PSMB2: variants seen among roughly 807,000 people sequenced by gnomAD.
PSMB2 encodes proteasome subunit beta type-2.
Under a neutral mutation model 25.7 loss-of-function variants are expected in PSMB2, and 13 were observed. That is an observed-to-expected ratio of 0.51 (90% CI 0.33 to 0.80). The LOEUF is 0.80. Among genes scored for constraint, PSMB2 ranks in the 30% least tolerant of loss-of-function variants. The pLI, the probability that PSMB2 is intolerant of heterozygous loss-of-function variation, is 0.02. For missense variants in PSMB2, 202 were observed against 259.0 expected (o/e 0.78, Z 1.51); for synonymous variants, 87 against 96.2 (o/e 0.90, Z 0.56).
intron 4 of PSMB2, among the ~76,000 whole-genome samples, chr1:35,608,361 C>A (rs144669766): frequency 0.012 from 1,839 of 147,924 alleles, 36 homozygotes; most frequent in East Asian, 0.061. Flanking sequence ...GGAGACTCTG[C>A]CTCAAAAAAA....
intron 2 of PSMB2, chr1:35,631,591 T>A: frequency 9.8e-7 from 1 of 1,016,366 alleles, no homozygotes. Flanking sequence ...ATGAAACTTC[T>A]AGCAGCCTTG....
chr1:35,639,812 C>G (rs1651341596), intron 1 of PSMB2, among the ~76,000 whole-genome samples: 1 of 152,174 alleles, frequency 6.6e-6, no homozygotes, highest in Admixed American at 6.5e-5. Context: ...CAAATTCACT[C>G]CTTTGGAAGG....
chr1:35,620,293 C>A (rs1159136937), intron 3 of PSMB2, among the ~76,000 whole-genome samples: 2 of 152,164 alleles, frequency 1.3e-5, no homozygotes, highest in East Asian at 3.9e-4. Context: ...TCTATTAGAA[C>A]CATGTTCCCC....
chr1:35,604,088 G>C (rs1381969591), intron 5 of PSMB2, among the ~76,000 whole-genome samples: 1 of 150,856 alleles, frequency 6.6e-6, no homozygotes, highest in Non-Finnish European at 1.5e-5. Flanking sequence ...CAAAAGGTTT[G>C]TGTAAGAAGC....
At chr1:35,632,754 G>A (rs1396976553) in intron 2 of PSMB2, among the ~76,000 whole-genome samples, 1 of 151,816 alleles carries the variant, frequency 6.6e-6, no homozygotes, top group Non-Finnish European at 1.5e-5. Flanking sequence ...ATTAGCCAGG[G>A]GTGGTGGTGC....
At chr1:35,608,907 A>G (rs1376658554) in intron 4 of PSMB2, among the ~76,000 whole-genome samples, 2 of 152,256 alleles carry the variant, frequency 1.3e-5, no homozygotes, top group African/African-American at 4.8e-5. Context: ...AAAGCAAAAT[A>G]AGTGAAAAAA....
chr1:35,626,081 G>C (rs148611715), intron 3 of PSMB2, among the ~76,000 whole-genome samples: 23 of 152,200 alleles, frequency 1.5e-4, no homozygotes, highest in African/African-American at 5.3e-4. Context: ...CAACTGATCT[G>C]TCCATCTTGG....
chr1:35,608,577 A>G (rs1050131402), intron 4 of PSMB2, among the ~76,000 whole-genome samples: 4 of 152,216 alleles, frequency 2.6e-5, no homozygotes, highest in African/African-American at 7.2e-5. Context: ...AAACATCATG[A>G]TGTACTCTAT....
At chr1:35,635,207 C>T (rs927926706) in intron 2 of PSMB2, among the ~76,000 whole-genome samples, 3 of 150,818 alleles carry the variant, frequency 2.0e-5, no homozygotes, top group East Asian at 2.0e-4. Flanking sequence ...TGCGGTGAGC[C>T]GAGATTGTGC....
chr1:35,634,072 C>T (rs1432665766), intron 2 of PSMB2, among the ~76,000 whole-genome samples: 2 of 152,114 alleles, frequency 1.3e-5, no homozygotes, highest in Non-Finnish European at 2.9e-5. Flanking sequence ...GGAGGTTTTC[C>T]CAGTGGATAA....
chr1:35,605,146 T>C (rs1203955824), intron 5 of PSMB2, 87 bp downstream of exon 5: 2 of 1,384,710 alleles, frequency 1.4e-6, no homozygotes, highest in Admixed American at 2.1e-5. Flanking sequence ...CTGGCAAAAA[T>C]CTGAAAAAAT....
At chr1:35,623,881 A>G (rs906623219) in intron 3 of PSMB2, among the ~76,000 whole-genome samples, 5 of 152,234 alleles carry the variant, frequency 3.3e-5, no homozygotes, top group African/African-American at 1.2e-4. Flanking sequence ...AGACTTGCAA[A>G]GTCAGGGTTT....
At chr1:35,608,268 G>A (rs1311946897) in intron 4 of PSMB2, among the ~76,000 whole-genome samples, 1 of 152,076 alleles carries the variant, frequency 6.6e-6, no homozygotes, top group African/African-American at 2.4e-5. Flanking sequence ...GGGAGGCTGA[G>A]GCACGAGAAT....
intron 2 of PSMB2, chr1:35,631,568 G>T: frequency 8.2e-7 from 1 of 1,212,820 alleles, no homozygotes; most frequent in African/African-American, 1.5e-5. Context: ...AACAGAACCA[G>T]TTCTATAGTG....
intron 4 of PSMB2, 85 bp from the exon 5 acceptor site, chr1:35,605,367 G>A (rs1241912986): frequency 1.5e-6 from 2 of 1,348,984 alleles, no homozygotes; most frequent in African/African-American, 1.5e-5. Context: ...TCCAAATCTG[G>A]CTTCTTCAGG....
intron 4 of PSMB2, among the ~76,000 whole-genome samples, chr1:35,608,682 C>A (rs1028227587): frequency 2.0e-5 from 3 of 152,144 alleles, no homozygotes; most frequent in Non-Finnish European, 1.5e-5. Context: ...GCTTTACGGA[C>A]AAGTAGAGCG....
intron 2 of PSMB2, among the ~76,000 whole-genome samples, chr1:35,632,390 A>C (rs1229526740): frequency 6.6e-6 from 1 of 152,206 alleles, no homozygotes; most frequent in Non-Finnish European, 1.5e-5. Flanking sequence ...CCACACAGAA[A>C]ATGTCAGTAT....
intron 3 of PSMB2, among the ~76,000 whole-genome samples, chr1:35,614,165 C>T (rs889571081): frequency 6.6e-6 from 1 of 152,170 alleles, no homozygotes; most frequent in Admixed American, 6.5e-5. Flanking sequence ...GTACTAGACA[C>T]GTAGAGCATA....
intron 3 of PSMB2, among the ~76,000 whole-genome samples, chr1:35,628,625 ATATATATTT>A (rs1377553357): frequency 3.6e-4 from 16 of 44,006 alleles, no homozygotes; most frequent in African/African-American, 9.4e-4. Flanking sequence ...ATATATATAT[ATATATATTT>A]TTTTTTTTTT....
Sources: gnomAD v4.1 joint callset for allele counts (sites outside exome capture counted in the v4.1 genomes callset) on GRCh38, gnomAD v4.1.1 for gene constraint, MANE v1.5 for transcripts, NCBI Gene and HGNC (gene_info 2026-07-23, HGNC 2026-07-21) for gene names.